The following BLTP2 variants were observed in gnomAD, a reference collection of about 807,000 sequenced individuals.
The protein encoded by BLTP2 is U937-associated antigen.
the BLTP2 span, among the ~76,000 whole-genome samples, chr17:28,636,597 A>G: frequency 6.6e-6 from 1 of 152,244 alleles, no homozygotes; most frequent in Non-Finnish European, 1.5e-5. Flanking sequence ...TGAATTGGTA[A>G]TTATTGAATC....
At chr17:28,629,402 T>C in the BLTP2 span, among the ~76,000 whole-genome samples, 2 of 152,090 alleles carry the variant, frequency 1.3e-5, no homozygotes, top group African/African-American at 4.8e-5. Flanking sequence ...GCGATTCTCA[T>C]GCTTCAGTCT....
chr17:28,640,058 G>A, the BLTP2 span: 7 of 1,608,272 alleles, frequency 4.4e-6, no homozygotes, highest in African/African-American at 8.0e-5. Context: ...TCAGGAAGAT[G>A]TGGAATGCCA....
the BLTP2 span, chr17:28,639,606 A>G: frequency 1.2e-5 from 20 of 1,614,242 alleles, no homozygotes; most frequent in Non-Finnish European, 1.7e-5. Context: ...GTTGAGGCAG[A>G]CAATGCGTTG....
the BLTP2 span, chr17:28,631,484 C>T: frequency 6.2e-7 from 1 of 1,613,896 alleles, no homozygotes; most frequent in Non-Finnish European, 8.5e-7. Flanking sequence ...AGTACCTCCT[C>T]AGCTGTGCGA....
chr17:28,633,005 G>A, the BLTP2 span: 26 of 1,581,072 alleles, frequency 1.6e-5, no homozygotes, highest in African/African-American at 4.1e-5. Context: ...CGAAAGGCCC[G>A]GTAGGAGTCA....
chr17:28,643,970 G>A, the BLTP2 span: 2 of 1,483,474 alleles, frequency 1.3e-6, no homozygotes, highest in African/African-American at 2.8e-5. Context: ...AAAGCCACCA[G>A]GATTTCTATT....
chr17:28,615,755 A>G, the BLTP2 span: 5 of 1,614,212 alleles, frequency 3.1e-6, no homozygotes, highest in Non-Finnish European at 4.2e-6. Context: ...CAGACAGGGC[A>G]GCACCAGGTT....
chr17:28,624,392 T>A, the BLTP2 span: 1 of 1,610,040 alleles, frequency 6.2e-7, no homozygotes, highest in Non-Finnish European at 8.5e-7. Context: ...TGTAAGCACC[T>A]GGCAGAGAAA....
At chr17:28,643,219 C>G in the BLTP2 span, 2 of 1,614,062 alleles carry the variant, frequency 1.2e-6, no homozygotes, top group Admixed American at 3.3e-5. Context: ...TTGATCCACC[C>G]CAGCGCTCTG....
At chr17:28,635,185 A>T in the BLTP2 span, 1 of 1,613,862 alleles carries the variant, frequency 6.2e-7, no homozygotes, top group Non-Finnish European at 8.5e-7. Flanking sequence ...GTTCCGGTGG[A>T]GGATCATCTC....
At chr17:28,641,380 G>A in the BLTP2 span, among the ~76,000 whole-genome samples, 209 of 152,264 alleles carry the variant, frequency 1.4e-3, no homozygotes, top group Non-Finnish European at 2.4e-3. Flanking sequence ...GGTGGCTCAC[G>A]CCTGTAATCC....
chr17:28,632,038 C>G, the BLTP2 span: 4 of 1,611,256 alleles, frequency 2.5e-6, no homozygotes, highest in Non-Finnish European at 3.4e-6. Flanking sequence ...GCAGGGACAT[C>G]AGTGCCTTAC....
the BLTP2 span, chr17:28,639,286 A>G: frequency 6.2e-7 from 1 of 1,613,004 alleles, no homozygotes; most frequent in Non-Finnish European, 8.5e-7. Flanking sequence ...CCAACTGACA[A>G]GAAGGTGGCT....
chr17:28,621,253 TC>T, the BLTP2 span: 1 of 1,497,760 alleles, frequency 6.7e-7, no homozygotes, highest in Non-Finnish European at 9.2e-7. Context: ...TCTCAGAAAC[TC>T]CAGAAACACT....
chr17:28,640,550 G>A, the BLTP2 span: 1 of 1,614,008 alleles, frequency 6.2e-7, no homozygotes, highest in Non-Finnish European at 8.5e-7. Context: ...TGTGTCAGGA[G>A]AGACCTCACC....
chr17:28,639,989 C>T, the BLTP2 span: 3 of 1,614,010 alleles, frequency 1.9e-6, no homozygotes, highest in Admixed American at 5.0e-5. Context: ...CACGGTGGTA[C>T]AGGAACTGCA....
At chr17:28,634,720 T>C in the BLTP2 span, 12 of 1,614,146 alleles carry the variant, frequency 7.4e-6, no homozygotes, top group Non-Finnish European at 1.0e-5. Context: ...CATGGGTGTG[T>C]TGCCATAGAG....
the BLTP2 span, chr17:28,638,196 G>T: frequency 6.3e-7 from 1 of 1,599,456 alleles, no homozygotes. Context: ...GCGCTCTGAC[G>T]CATGACAGGA....
the BLTP2 span, chr17:28,643,277 T>G: frequency 6.2e-7 from 1 of 1,614,074 alleles, no homozygotes. Flanking sequence ...TCCGTTCTGA[T>G]ACGCACTTCT....
Sources: gnomAD v4.1 joint callset for allele counts (sites outside exome capture counted in the v4.1 genomes callset) on GRCh38, gnomAD v4.1.1 for gene constraint, MANE v1.5 for transcripts, NCBI Gene and HGNC (gene_info 2026-07-23, HGNC 2026-07-21) for gene names.